NOX5: variants seen among roughly 807,000 people sequenced by gnomAD.
NOX5 encodes NADPH oxidase 5.
Under a neutral mutation model 85.7 loss-of-function variants are expected in NOX5, and 76 were observed. That is an observed-to-expected ratio of 0.89 (90% CI 0.74 to 1.07). NOX5 has a LOEUF of 1.07. NOX5 is among the 50% of genes least tolerant of loss of function. The pLI, the probability that NOX5 is intolerant of heterozygous loss-of-function variation, is 0.00. For synonymous variants in NOX5, 405 were observed against 401.4 expected (o/e 1.01, Z -0.11); for missense variants, 973 against 999.5 (o/e 0.97, Z 0.36).
At chr15:69,052,013 A>G (rs1024298025) in intron 14 of NOX5, among the ~76,000 whole-genome samples, 2 of 152,110 alleles carry the variant, frequency 1.3e-5, no homozygotes, top group African/African-American at 4.8e-5. Flanking sequence ...CAAGTTTGAG[A>G]CCAGCCTGGG....
At chr15:69,042,917 A>G (rs2050614205) in intron 10 of NOX5, 112 bp downstream of exon 10, 2 of 1,182,552 alleles carry the variant, frequency 1.7e-6, no homozygotes, top group Non-Finnish European at 2.4e-6. Flanking sequence ...GTGTACATAG[A>G]TGGCAGCACA....
At chr15:69,022,280 C>G (rs550429411) in intron 1 of NOX5, 5 of 196,914 alleles carry the variant, frequency 2.5e-5, no homozygotes, top group South Asian at 1.3e-4. Context: ...AAGGAAACAC[C>G]AATGGCTTAC....
intron 13 of NOX5, among the ~76,000 whole-genome samples, chr15:69,048,657 T>G (rs1226557331): frequency 1.3e-5 from 2 of 152,148 alleles, no homozygotes; most frequent in Non-Finnish European, 1.5e-5. Context: ...TCTTAAAAAG[T>G]AATTTATGTT....
In NOX5 at chr15:69,037,329, G is replaced by T. The variant is rs1325758228; in HGVS notation, c.1371+119G>T. On this transcript the variant is annotated intron_variant, in intron 8 of 15. Transcript: ENST00000388866. ...GGAAATAGAGAATAGTGTAGCTGCA[G>T]CCCCATTGCTATGGAGGAGAGAAGC... 2.9e-6 allele frequency: 3 copies of T among 1,035,382 alleles called. No homozygotes were observed. The South Asian group carries it at 5.0e-5, about 17-fold the overall frequency. 64.1% of individuals were successfully genotyped at this position (1,035,382 alleles called of 1,614,324 possible). A position where few individuals can be genotyped will look rare whatever the true frequency, so the allele number is the denominator to read the frequency against.
intron 4 of NOX5, among the ~76,000 whole-genome samples, chr15:69,032,065 A>C (rs2050442583): frequency 1.3e-5 from 2 of 152,230 alleles, no homozygotes; most frequent in Non-Finnish European, 2.9e-5. Flanking sequence ...ATACCAGTGC[A>C]TTTTATAGCA....
chr15:69,047,648 C>A, intron 12 of NOX5, 111 bp downstream of exon 12: 1 of 1,417,636 alleles, frequency 7.1e-7, no homozygotes, highest in Non-Finnish European at 9.6e-7. Context: ...CTGTCTCTCT[C>A]TGCTCTTCTC....
intron 14 of NOX5, 130 bp downstream of exon 14, chr15:69,049,188 G>A: frequency 2.3e-6 from 1 of 443,068 alleles, no homozygotes; most frequent in Non-Finnish European, 3.8e-6. Flanking sequence ...AGTGAACCCA[G>A]AGTCTTTTTT....
chr15:69,022,689 A>C (rs988182192), intron 1 of NOX5: 1 of 186,420 alleles, frequency 5.4e-6, no homozygotes, highest in Non-Finnish European at 1.1e-5. Flanking sequence ...GTGAAAAAAA[A>C]ATGAATAGAT....
intron 14 of NOX5, among the ~76,000 whole-genome samples, chr15:69,051,505 A>G (rs2050749351): frequency 6.6e-6 from 1 of 151,922 alleles, no homozygotes; most frequent in Non-Finnish European, 1.5e-5. Flanking sequence ...TCAGCCTGCT[A>G]AGTAACTGAG....
chr15:69,042,538 A>C, intron 9 of NOX5, 125 bp from the exon 10 acceptor site: 1 of 987,646 alleles, frequency 1.0e-6, no homozygotes, highest in Middle Eastern at 3.3e-4. Flanking sequence ...GGTCCTGAGG[A>C]AGGACATTCA....
Position 69,031,610 on chromosome 15 carries a change from T to G in NOX5, c.418T>G (p.Ser140Ala). ...ATCCCCACTCGGGACAGGCAGTGGC[T>G]CCATTGACCCGGATGAGCTGCGCAC... Reference protein sequence around the residue: ...ASSPLGTGSGSIDPDELRTVL... With the variant: ...ASSPLGTGSGAIDPDELRTVL... The change falls in exon 4 of 16, where the codon TCC becomes GCC. Residue 140 changes from serine to alanine, a missense_variant. Physicochemically the swap from Ser to Ala is moderately conservative, Grantham distance 99 (BLOSUM62 1). Coordinates refer to ENST00000388866, the MANE Select transcript of NOX5 (RefSeq NM_024505.4). The G allele has an allele frequency of 6.2e-7, 1 of 1,613,376 alleles. No individual in the cohort carries two copies. Among genetic ancestry groups the G allele is most frequent in the East Asian group, 2.2e-5 (1 of 44,878 alleles).
At chr15:69,042,399 G>C (rs575225085) in intron 9 of NOX5, among the ~76,000 whole-genome samples, 1 of 152,326 alleles carries the variant, frequency 6.6e-6, no homozygotes, top group East Asian at 1.9e-4. Flanking sequence ...CTAGTGAGCT[G>C]CTCTGATCCT....
chr15:69,018,781 C>T (rs2050263103), intron 1 of NOX5, among the ~76,000 whole-genome samples: 1 of 152,164 alleles, frequency 6.6e-6, no homozygotes, highest in Non-Finnish European at 1.5e-5. Flanking sequence ...GGAGCCACAT[C>T]CCGGGCCAGA....
At chr15:69,045,573 C>T (rs1425154942) in intron 10 of NOX5, among the ~76,000 whole-genome samples, 1 of 13,254 alleles carries the variant, frequency 7.5e-5, no homozygotes, top group Non-Finnish European at 1.7e-4. Flanking sequence ...TCTTTCTTCC[C>T]TTTCTTTCTT....
intron 1 of NOX5, among the ~76,000 whole-genome samples, chr15:69,025,481 G>A (rs2050346130): frequency 6.6e-6 from 1 of 152,192 alleles, no homozygotes; most frequent in South Asian, 2.1e-4. Flanking sequence ...TCGTCGCCTT[G>A]CTCAGCCTCA....
chr15:69,028,558 T>C, intron 3 of NOX5, 193 bp downstream of exon 3: 1 of 424,478 alleles, frequency 2.4e-6, no homozygotes, highest in East Asian at 3.6e-5. Context: ...CTCTGTCTAA[T>C]CCCTGCCCCC....
rs764461080 is a variant in NOX5 at position 69,038,846 on chromosome 15, C to T, written c.1372-11C>T. The T allele has an allele frequency of 1.9e-5, 30 of 1,614,028 alleles. No homozygotes were observed. The Admixed American group carries it at 4.7e-4, about 25-fold the overall frequency. ...TGCAGGAATGATGCAGATCTCCTTC[C>T]TCTTTCCCAGGTCACTCATCTCCTC... is the stretch of plus-strand genomic sequence containing the variant. On this transcript the variant is annotated splice_polypyrimidine_tract_variant and intron_variant, in intron 8 of 15. Coordinates refer to ENST00000388866, the MANE Select transcript of NOX5 (RefSeq NM_024505.4).
rs1409969445 is a variant in NOX5 at position 69,035,856 on chromosome 15, A to C, written c.1108A>C (p.Thr370Pro). ...CTGGGTACACGGTTCGGCCTCCCCG[A>C]CAGGTGTCGCTCTGCTGCTGCTGCT... ...IGWVHGSASP[T>P]GVALLLLLLL... The change falls in exon 7 of 16, where the codon ACA becomes CCA. Residue 370 changes from threonine (T) to proline (P), a missense_variant. Coordinates refer to ENST00000388866, the MANE Select transcript of NOX5 (RefSeq NM_024505.4). 1 of 1,614,100 alleles carries C rather than the reference A, an allele frequency of 6.2e-7. No individual in the cohort carries two copies. The highest frequency in any genetic ancestry group is 1.1e-5 in the South Asian group (1 of 91,078).
At position 69,014,727 on chromosome 15, in the gene NOX5, C is replaced by T. The variant is rs1456186087; in HGVS notation, c.-9C>T. Reference sequence around the variant, plus strand: ...TTTCTGGGACCTGTGATCTAGAAGACAGGAGAAGATGAACACATCTGGAGA... The same window carrying T: ...TTTCTGGGACCTGTGATCTAGAAGATAGGAGAAGATGAACACATCTGGAGA... On this transcript the variant is annotated 5_prime_UTR_variant, in exon 1 of 16. Transcript: ENST00000388866. The T allele has an allele frequency of 6.4e-7, 1 of 1,550,472 alleles. No individual in the cohort carries two copies. Among genetic ancestry groups the T allele is most frequent in the South Asian group, 1.2e-5 (1 of 84,044 alleles).
Sources: allele counts gnomAD v4.1 joint callset (sites outside exome capture counted in the v4.1 genomes callset), GRCh38; gene constraint gnomAD v4.1.1; transcripts MANE v1.5; gene names NCBI Gene and HGNC (gene_info 2026-07-23, HGNC 2026-07-21).